The following SV2B variants were observed in gnomAD, a reference collection of about 807,000 sequenced individuals.
SV2B encodes the protein solute carrier family 22 member B2.
A neutral mutation model predicts 73.9 loss-of-function variants in SV2B; 41 were observed. The observed-to-expected ratio is 0.56, with a 90% confidence interval of 0.43 to 0.72. The LOEUF (loss-of-function observed/expected upper bound fraction) is 0.72. Among genes scored for constraint, SV2B ranks in the 30% least tolerant of loss-of-function variants. SV2B has a pLI of 0.00. For missense variants in SV2B, 764 were observed against 857.8 expected, an observed-to-expected ratio of 0.89 and a Z score of 1.37; for synonymous variants, 314 against 314.2, an observed-to-expected ratio of 1.00 and a Z score of 0.01.
At chr15:91,174,321 A>C (rs1423887500) in intron 1 of SV2B, among the ~76,000 whole-genome samples, 1 of 152,176 alleles carries the variant, frequency 6.6e-6, no homozygotes, top group Non-Finnish European at 1.5e-5. Context: ...TTTGTGCTTC[A>C]TTGGGGTTGG....
chr15:91,295,913 AT>A lies in SV2B; in HGVS notation c.*3363del, dbSNP rs754903981. 6.6e-6 allele frequency: 1 copy of A among 152,190 alleles called. No individual in the cohort carries two copies. Among genetic ancestry groups the A allele is most frequent in the African/African-American group, 2.4e-5 (1 of 41,444 alleles). The allele number at this position is 152,190 out of a possible 1,614,324, so 9.4% of individuals were successfully genotyped here. A position where few individuals can be genotyped will look rare whatever the true frequency, so the allele number is the denominator to read the frequency against. ...TCCACTTGCAGTGAGCGGATATTAAATTGGCCATAAACACCGAGTACGATGA... is the reference window on the plus strand; with the variant it reads ...TCCACTTGCAGTGAGCGGATATTAAATGGCCATAAACACCGAGTACGATGA... On this transcript the variant is annotated 3_prime_UTR_variant, in exon 13 of 13. Transcript: ENST00000394232.
intron 1 of SV2B, among the ~76,000 whole-genome samples, chr15:91,176,877 C>A (rs1451642400): frequency 1.3e-5 from 2 of 152,228 alleles, no homozygotes; most frequent in Admixed American, 6.5e-5. Context: ...TTTTGCTGTG[C>A]AGAAGCTCTT....
At chr15:91,158,279 C>T (rs2043558991) in intron 1 of SV2B, among the ~76,000 whole-genome samples, 1 of 152,050 alleles carries the variant, frequency 6.6e-6, no homozygotes, top group Non-Finnish European at 1.5e-5. Context: ...TTGTTCTTCC[C>T]CTTCCTAGAT....
In SV2B at chr15:91,122,469, C is replaced by T. The variant is rs1326640700; in HGVS notation, c.-392+22106C>T. On this transcript the variant is annotated intron_variant, in intron 1 of 12. Coordinates refer to ENST00000394232, the MANE Select transcript of SV2B (RefSeq NM_001323032.3). The surrounding 1 kb of genome is among the most constrained non-coding windows in gnomAD (Gnocchi z 4.3). ...CTGGGTTGACTCTCTGATCCCTATG[C>T]CTTGTAAGCCATTTGGACACCTCAC... Among the ~76,000 whole-genome samples the T allele has an allele frequency of 1.3e-5, 2 of 152,206 alleles. No individual in the cohort carries two copies. Among genetic ancestry groups the T allele is most frequent in the African/African-American group, 4.8e-5 (2 of 41,450 alleles).
chr15:91,279,183 C>G (rs2048602483), intron 9 of SV2B, among the ~76,000 whole-genome samples: 1 of 152,178 alleles, frequency 6.6e-6, no homozygotes, highest in East Asian at 1.9e-4. Flanking sequence ...TATAGCATAC[C>G]TCTATCTTGA....
At chr15:91,213,758 A>G (rs901255271) in intron 1 of SV2B, among the ~76,000 whole-genome samples, 7 of 152,212 alleles carry the variant, frequency 4.6e-5, no homozygotes, top group Admixed American at 3.3e-4. Flanking sequence ...GTTACTATAA[A>G]AAAAGACAGT....
At chr15:91,216,280 A>G (rs147843033) in intron 1 of SV2B, among the ~76,000 whole-genome samples, 1 of 152,234 alleles carries the variant, frequency 6.6e-6, no homozygotes, top group African/African-American at 2.4e-5. Flanking sequence ...AACATATTTT[A>G]TGGTCAGAAA....
intron 1 of SV2B, among the ~76,000 whole-genome samples, chr15:91,225,281 G>A (rs57288276): frequency 0.12 from 17,668 of 152,084 alleles, 2,721 homozygotes; most frequent in African/African-American, 0.36. Flanking sequence ...TCAAAAGTAA[G>A]CTGGGATTCA....
At chr15:91,260,018 C>T (rs1235920050) in intron 5 of SV2B, among the ~76,000 whole-genome samples, 1 of 152,150 alleles carries the variant, frequency 6.6e-6, no homozygotes, top group African/African-American at 2.4e-5. Context: ...GTGCTTCCCA[C>T]ACCACCGTCC....
rs373503047 is a variant in SV2B at position 91,163,780 on chromosome 15, A to T, written c.-391-62093A>T. On this transcript the variant is annotated intron_variant, in intron 1 of 12. Transcript: ENST00000394232. ...CTCTTTAGTTTAATTAGATCCCATT[A>T]GTCAATTTTGGCTTTTGTTGCCATT... Among the ~76,000 whole-genome samples the T allele has an allele frequency of 5.9e-5, 9 of 152,206 alleles. No homozygotes were observed. In the East Asian group the frequency reaches 7.7e-4, roughly 13 times the overall value.
At chr15:91,188,016 G>A (rs1048416826) in intron 1 of SV2B, among the ~76,000 whole-genome samples, 1 of 149,732 alleles carries the variant, frequency 6.7e-6, no homozygotes, top group Admixed American at 6.7e-5. Context: ...AAGAAATTTG[G>A]TACTAAAAGC....
At position 91,253,349 on chromosome 15, in the gene SV2B, T is replaced by G. The variant is rs2047563414; in HGVS notation, c.784+829T>G. 2.6e-5 allele frequency among the ~76,000 whole-genome samples: 4 copies of G among 152,236 alleles called. No homozygotes were observed. ...GGTAGCAGACAGCTGCCCCTGAAGCTGACTGATAGTTTACCACCTATTTAT... is the reference window on the plus strand; with the variant it reads ...GGTAGCAGACAGCTGCCCCTGAAGCGGACTGATAGTTTACCACCTATTTAT... On this transcript the variant is annotated intron_variant, in intron 4 of 12. Transcript: ENST00000394232. The surrounding 1 kb of genome is among the most constrained non-coding windows in gnomAD (Gnocchi z 5.0).
intron 1 of SV2B, among the ~76,000 whole-genome samples, chr15:91,212,001 T>C (rs948908058): frequency 6.6e-6 from 1 of 151,988 alleles, no homozygotes; most frequent in African/African-American, 2.4e-5. Flanking sequence ...AACTCTACTG[T>C]GAGAAAAAAA....
intron 1 of SV2B, among the ~76,000 whole-genome samples, chr15:91,153,279 G>T (rs936504218): frequency 6.6e-6 from 1 of 152,086 alleles, no homozygotes; most frequent in Non-Finnish European, 1.5e-5. Flanking sequence ...AAATACATTC[G>T]AACCATAGCA....
intron 1 of SV2B, among the ~76,000 whole-genome samples, chr15:91,167,994 C>T (rs1418554760): frequency 6.6e-6 from 1 of 152,110 alleles, no homozygotes; most frequent in Admixed American, 6.5e-5. Context: ...GTTTCATCCC[C>T]AGATGTGCCA....
At chr15:91,144,096 A>G (rs893105640) in intron 1 of SV2B, among the ~76,000 whole-genome samples, 1 of 152,232 alleles carries the variant, frequency 6.6e-6, no homozygotes, top group Non-Finnish European at 1.5e-5. Context: ...GGAAAATGTT[A>G]TTTACTCTAG....
intron 9 of SV2B, among the ~76,000 whole-genome samples, chr15:91,271,148 T>C (rs1164306523): frequency 1.3e-5 from 2 of 152,222 alleles, no homozygotes; most frequent in Non-Finnish European, 2.9e-5. Flanking sequence ...GGGTGGACGG[T>C]GAATCCTGTG....
intron 1 of SV2B, among the ~76,000 whole-genome samples, chr15:91,134,127 T>G (rs892579779): frequency 2.0e-5 from 3 of 151,468 alleles, no homozygotes; most frequent in African/African-American, 7.3e-5. Context: ...GCCTCCCAAG[T>G]AGCTGGGATT....
At chr15:91,127,550 A>G (rs1285160666) in intron 1 of SV2B, among the ~76,000 whole-genome samples, 1 of 152,164 alleles carries the variant, frequency 6.6e-6, no homozygotes, top group Non-Finnish European at 1.5e-5. Context: ...CACTGTCCTG[A>G]TTTCGGGAAA....
Sources: gnomAD v4.1 joint callset for allele counts (sites outside exome capture counted in the v4.1 genomes callset) on GRCh38, gnomAD v4.1.1 for gene constraint, Gnocchi (gnomAD v3.1) non-coding constraint, MANE v1.5 for transcripts, NCBI Gene and HGNC (gene_info 2026-07-23, HGNC 2026-07-21) for gene names.